Variants in GPC5 observed in about 807,000 individuals in gnomAD.
The protein encoded by GPC5 is glypican 5, also known as glypican-5.
Under a neutral mutation model 53.9 loss-of-function variants are expected in GPC5, and 47 were observed. The observed-to-expected ratio is 0.87, with a 90% CI of 0.69 to 1.11. The LOEUF is 1.11. GPC5 is among the 50% of genes most tolerant of loss of function. The pLI is 0.00. For synonymous variants in GPC5, 286 were observed against 263.3 expected (o/e 1.09, Z -0.84); for missense variants, 748 against 713.1 (o/e 1.05, Z -0.56).
intron 7 of GPC5, among the ~76,000 whole-genome samples, chr13:92,205,765 G>T (rs1446336705): frequency 6.6e-6 from 1 of 152,058 alleles, no homozygotes; most frequent in Non-Finnish European, 1.5e-5. Flanking sequence ...CAACTATTTC[G>T]GCCAGGCGCG....
chr13:92,385,613 A>G (rs139582524), intron 7 of GPC5, among the ~76,000 whole-genome samples: 1,532 of 144,384 alleles, frequency 0.011, 25 homozygotes, highest in African/African-American at 0.037. Flanking sequence ...ATACACATAT[A>G]CATATACATA....
chr13:92,341,055 G>A (rs1254625233), intron 7 of GPC5, among the ~76,000 whole-genome samples: 1 of 152,024 alleles, frequency 6.6e-6, no homozygotes, highest in Non-Finnish European at 1.5e-5. Context: ...CATATTTTAA[G>A]CAATCTTTGC....
At chr13:92,268,721 TTTGGACTGGAGACAAATATG>T (rs1002216081) in intron 7 of GPC5, among the ~76,000 whole-genome samples, 32 of 130,972 alleles carry the variant, frequency 2.4e-4, no homozygotes, top group African/African-American at 1.0e-3. Flanking sequence ...ACCTCATAGA[TTTGGACTGGAGACAAATATG>T]TGTCCTTTGC....
intron 7 of GPC5, among the ~76,000 whole-genome samples, chr13:92,796,577 C>G (rs1467560295): frequency 6.6e-6 from 1 of 151,818 alleles, no homozygotes; most frequent in East Asian, 1.9e-4. Flanking sequence ...AGAACATTAC[C>G]AATCTTAGGG....
intron 5 of GPC5, among the ~76,000 whole-genome samples, chr13:91,889,871 T>C (rs1233726198): frequency 6.6e-6 from 1 of 152,166 alleles, no homozygotes; most frequent in Non-Finnish European, 1.5e-5. Flanking sequence ...ATTACAACAA[T>C]GATAAGTGCA....
At chr13:92,520,560 G>A (rs1414091053) in intron 7 of GPC5, among the ~76,000 whole-genome samples, 1 of 152,026 alleles carries the variant, frequency 6.6e-6, no homozygotes, top group African/African-American at 2.4e-5. Flanking sequence ...TGCAGAAAAG[G>A]CCTTTGACAA....
chr13:92,787,678 A>AAAAAAAAG (rs1289044390), intron 7 of GPC5, among the ~76,000 whole-genome samples: 16 of 149,580 alleles, frequency 1.1e-4, no homozygotes, highest in Non-Finnish European at 2.1e-4. Flanking sequence ...AAAAAAAAAA[A>AAAAAAAAG]AAAAAGAAAA....
At chr13:92,374,855 AAAAAAAAAAAATAG>A (rs1876966977) in intron 7 of GPC5, among the ~76,000 whole-genome samples, 1 of 32,910 alleles carries the variant, frequency 3.0e-5, no homozygotes, top group African/African-American at 1.2e-4. Context: ...AAGTATAATA[AAAAAAAAAAAATAG>A]AAAAAAAAAA....
intron 7 of GPC5, among the ~76,000 whole-genome samples, chr13:92,724,521 T>C (rs753197807): frequency 2.6e-5 from 4 of 151,590 alleles, no homozygotes; most frequent in Admixed American, 1.3e-4. Context: ...AAATGGAGTA[T>C]TATTCAGCCT....
chr13:91,557,090 T>G (rs1027590358), intron 2 of GPC5, among the ~76,000 whole-genome samples: 1 of 152,114 alleles, frequency 6.6e-6, no homozygotes, highest in Non-Finnish European at 1.5e-5. Flanking sequence ...TGCTGGGTCT[T>G]ATGGTAATTA....
chr13:91,408,758 AC>A (rs1437574452), intron 1 of GPC5, among the ~76,000 whole-genome samples: 2 of 152,200 alleles, frequency 1.3e-5, no homozygotes, highest in African/African-American at 2.4e-5. Flanking sequence ...GGTTTAAATT[AC>A]TAGTTTTTCT....
At chr13:92,376,088 T>A (rs2043691676) in intron 7 of GPC5, among the ~76,000 whole-genome samples, 1 of 152,220 alleles carries the variant, frequency 6.6e-6, no homozygotes, top group South Asian at 2.1e-4. Flanking sequence ...TGAGAAACTT[T>A]GATAATACCC....
intron 7 of GPC5, among the ~76,000 whole-genome samples, chr13:92,345,015 G>A (rs2043398796): frequency 6.6e-6 from 1 of 152,092 alleles, no homozygotes; most frequent in South Asian, 2.1e-4. Context: ...AAACACAACT[G>A]TAAGAACAGA....
At chr13:92,192,531 C>T (rs1292450624) in intron 7 of GPC5, among the ~76,000 whole-genome samples, 1 of 151,990 alleles carries the variant, frequency 6.6e-6, no homozygotes, top group African/African-American at 2.4e-5. Context: ...TTTCTTTCTT[C>T]TAAATTGTCT....
At chr13:92,554,497 A>G (rs1172322576) in intron 7 of GPC5, among the ~76,000 whole-genome samples, 1 of 151,636 alleles carries the variant, frequency 6.6e-6, no homozygotes, top group Non-Finnish European at 1.5e-5. Context: ...CAAGCTAGAG[A>G]TTAAAAAAAA....
intron 1 of GPC5, among the ~76,000 whole-genome samples, chr13:91,439,368 T>C (rs959077623): frequency 6.6e-6 from 1 of 152,210 alleles, no homozygotes; most frequent in African/African-American, 2.4e-5. Flanking sequence ...CAAGTATAAA[T>C]AGTGCTGAAA....
At chr13:92,305,765 T>G (rs1289836866) in intron 7 of GPC5, among the ~76,000 whole-genome samples, 4 of 152,198 alleles carry the variant, frequency 2.6e-5, no homozygotes, top group Admixed American at 2.0e-4. Context: ...TCTAAAAATC[T>G]CTAAGTTTGA....
At chr13:92,593,275 G>C (rs1883771089) in intron 7 of GPC5, among the ~76,000 whole-genome samples, 1 of 151,224 alleles carries the variant, frequency 6.6e-6, no homozygotes, top group South Asian at 2.1e-4. Context: ...TGGTTCCATG[G>C]TGGAAACGTG....
At chr13:91,990,677 A>G (rs1186034335) in intron 6 of GPC5, among the ~76,000 whole-genome samples, 1 of 152,228 alleles carries the variant, frequency 6.6e-6, no homozygotes, top group African/African-American at 2.4e-5. Context: ...GGTGCTGTGC[A>G]CAGTGTATCA....
Sources: gnomAD v4.1 joint callset for allele counts (sites outside exome capture counted in the v4.1 genomes callset) on GRCh38, gnomAD v4.1.1 for gene constraint, MANE v1.5 for transcripts, NCBI Gene and HGNC (gene_info 2026-07-23, HGNC 2026-07-21) for gene names.